CEBPG: variants seen among roughly 807,000 people sequenced by gnomAD.
CEBPG encodes the protein CCAAT enhancer binding protein gamma.
CEBPG carries 6 observed loss-of-function variants against 11.1 expected under a neutral mutation model. The observed-to-expected ratio is 0.54, with a 90% confidence interval of 0.30 to 1.07. The LOEUF is 1.07. CEBPG is among the 50% of genes least tolerant of loss of function. The pLI is 0.07. For missense variants in CEBPG, 161 were observed against 187.4 expected (o/e 0.86, Z 0.82); for synonymous variants, 66 against 71.0 (o/e 0.93, Z 0.36).
chr19:33,377,515 A>G (rs1600063087), intron 1 of CEBPG, among the ~76,000 whole-genome samples: 1 of 152,382 alleles, frequency 6.6e-6, no homozygotes, highest in South Asian at 2.1e-4. Flanking sequence ...GTGTTAAACA[A>G]GTTCTTAAAA....
rs1967956034 is a variant in CEBPG at position 33,379,418 on chromosome 19, G to A, written c.179G>A (p.Arg60Gln). Residue 60 changes from arginine to glutamine, a missense_variant, in exon 2 of 2, where the codon CGA becomes CAA. Arg to Gln is a conservative substitution (Grantham distance 43). Coordinates refer to ENST00000284000, the MANE Select transcript of CEBPG (RefSeq NM_001806.4). ...AGCAAAAAGAGTTCGCCCATGGATC[G>A]AAACAGTGACGAGTATCGGCAACGC... ...KQSKKSSPMDRNSDEYRQRRE... is the reference protein window; with the variant it reads ...KQSKKSSPMDQNSDEYRQRRE... 5 of 1,613,990 alleles carry A rather than the reference G, an allele frequency of 3.1e-6. No individual in the cohort carries two copies. Among genetic ancestry groups the A allele is most frequent in the Non-Finnish European group, 2.5e-6 (3 of 1,180,044 alleles).
chr19:33,378,850 C>T (rs1452071831), intron 1 of CEBPG, among the ~76,000 whole-genome samples: 1 of 152,208 alleles, frequency 6.6e-6, no homozygotes, highest in Non-Finnish European at 1.5e-5. Context: ...AGTTCACATG[C>T]GCCACCTAAT....
chr19:33,379,933 A>G lies in CEBPG; in HGVS notation c.*241A>G. ...ATCAAAATCCCCCAAATGTTAAGGT[A>G]TATGGTAAAAAAAGAAATATCTGGG... On this transcript the variant is annotated 3_prime_UTR_variant, in exon 2 of 2. Transcript: ENST00000284000. The G allele has an allele frequency of 2.6e-6, 1 of 390,130 alleles. No homozygotes were observed. The highest frequency in any genetic ancestry group is 8.2e-5 in the South Asian group (1 of 12,228). 24.2% of individuals were successfully genotyped at this position (390,130 alleles called of 1,614,324 possible).
chr19:33,379,277 T>A lies in CEBPG; in HGVS notation c.38T>A (p.Val13Glu), dbSNP rs1225146576. 2 of 1,578,752 alleles carry A rather than the reference T, an allele frequency of 1.3e-6. No homozygotes were observed. The highest frequency in any genetic ancestry group is 1.7e-6 in the Non-Finnish European group (2 of 1,161,742). ...KISQQNSTPG[V>E]NGISVIHTQA... ...TCGCAGCAAAACAGCACTCCAGGGG[T>A]GAACGGAATTAGTGTTATCCATACC... Residue 13 changes from valine (V) to glutamate (E), a missense_variant, in exon 2 of 2, where the codon GTG (valine) becomes GAG (glutamate). Transcript: ENST00000284000.
intron 1 of CEBPG, among the ~76,000 whole-genome samples, chr19:33,375,414 T>G (rs1355577473): frequency 1.3e-5 from 2 of 152,154 alleles, no homozygotes; most frequent in Non-Finnish European, 2.9e-5. Flanking sequence ...AGCTGTATTG[T>G]GCGTTCTTGG....
rs886528394 is a variant in CEBPG at position 33,380,542 on chromosome 19, G to C, written c.*850G>C. 1.9e-4 allele frequency: 31 copies of C among 167,182 alleles called. No individual in the cohort carries two copies. Among genetic ancestry groups the C allele is most frequent in the African/African-American group, 7.0e-4 (29 of 41,584 alleles). The allele number at this position is 167,182 out of a possible 1,614,324, so 10.4% of individuals were successfully genotyped here. ...GGATACAATTTTGACAACCAAGTTA[G>C]TAAACAAAATATCTTAACAGTTTGA... On this transcript the variant is annotated 3_prime_UTR_variant, in exon 2 of 2. Coordinates refer to ENST00000284000, the MANE Select transcript of CEBPG (RefSeq NM_001806.4).
rs535000841 is a variant in CEBPG, at chr19:33,380,037, A to G, written c.*345A>G. 148 of 204,358 alleles carry G rather than the reference A, an allele frequency of 7.2e-4. 1 individual carries two copies. The highest frequency in any genetic ancestry group is 3.4e-3 in the African/African-American group (145 of 42,756). The allele number at this position is 204,358 out of a possible 1,614,324, so 12.7% of individuals were successfully genotyped here. A position where few individuals can be genotyped will look rare whatever the true frequency, so the allele number is the denominator to read the frequency against. The stretch of plus-strand genomic sequence containing the variant: ...TTGACAAAAGGAATGGGGAACTGGC[A>G]GGCCGCGCAGAAGGTTCTTGGTTTT... On this transcript the variant is annotated 3_prime_UTR_variant, in exon 2 of 2. Coordinates refer to ENST00000284000, the MANE Select transcript of CEBPG (RefSeq NM_001806.4).
rs1221541850 is a variant in CEBPG at position 33,382,276 on chromosome 19, A to C, written c.*2584A>C. The C allele has an allele frequency of 6.0e-6, 1 of 167,158 alleles. No individual in the cohort carries two copies. Among genetic ancestry groups the C allele is most frequent in the Non-Finnish European group, 1.5e-5 (1 of 68,136 alleles). The allele number at this position is 167,158 out of a possible 1,614,324, so 10.4% of individuals were successfully genotyped here. On this transcript the variant is annotated 3_prime_UTR_variant, in exon 2 of 2. Transcript: ENST00000284000. ...ATGCCAGTGCAGATCACTAAGTAGT[A>C]AGATTTTAATCAAACACGACCAGGT...
intron 1 of CEBPG, chr19:33,374,599 C>G (rs1011901309): frequency 2.0e-5 from 3 of 152,122 alleles, no homozygotes; most frequent in Non-Finnish European, 4.4e-5. Flanking sequence ...GGAGCAGGGC[C>G]GACAGCCAGC....
intron 1 of CEBPG, among the ~76,000 whole-genome samples, chr19:33,377,065 T>G (rs776952145): frequency 6.6e-6 from 1 of 152,232 alleles, no homozygotes; most frequent in Non-Finnish European, 1.5e-5. Flanking sequence ...ACCACACACG[T>G]TCAGCCTAGT....
chr19:33,382,639 T>G lies in CEBPG; in HGVS notation c.*2947T>G, dbSNP rs574422965. ...TTCTCTATTTTTTTTAAATATAATT[T>G]TATTTCTTTCAACAAATATAAAATA... On this transcript the variant is annotated 3_prime_UTR_variant, in exon 2 of 2. Transcript: ENST00000284000. The G allele has an allele frequency of 6.0e-6, 1 of 166,874 alleles. No homozygotes were observed. The highest frequency in any genetic ancestry group is 2.1e-4 in the South Asian group (1 of 4,830). 10.3% of individuals were successfully genotyped at this position (166,874 alleles called of 1,614,324 possible).
chr19:33,377,257 A>G (rs1600062910), intron 1 of CEBPG, among the ~76,000 whole-genome samples: 1 of 152,156 alleles, frequency 6.6e-6, no homozygotes, highest in Admixed American at 6.5e-5. Context: ...CACATCCCTC[A>G]TTTGCATGTG....
At chr19:33,378,358 G>A (rs1457896592) in intron 1 of CEBPG, among the ~76,000 whole-genome samples, 1 of 152,196 alleles carries the variant, frequency 6.6e-6, no homozygotes, top group African/African-American at 2.4e-5. Context: ...CCCAGGACCC[G>A]CACTTCCTTG....
rs530609749 is a variant in CEBPG, at chr19:33,380,623, G to A, written c.*931G>A. 6.0e-6 allele frequency: 1 copy of A among 167,098 alleles called. No individual in the cohort carries two copies. The highest frequency in any genetic ancestry group is 1.9e-4 in the East Asian group (1 of 5,196). The allele number at this position is 167,098 out of a possible 1,614,324, so 10.4% of individuals were successfully genotyped here. On this transcript the variant is annotated 3_prime_UTR_variant, in exon 2 of 2. Transcript: ENST00000284000. ...ATTAATTCAGAAGGTAGTTTCTCTT[G>A]TGTTCAAAATAGCTGCCATGGGGCT...
chr19:33,381,028 T>A lies in CEBPG; in HGVS notation c.*1336T>A, dbSNP rs1215276238. On this transcript the variant is annotated 3_prime_UTR_variant, in exon 2 of 2. Coordinates refer to ENST00000284000, the MANE Select transcript of CEBPG (RefSeq NM_001806.4). ...TCTAGAGTCTGGCTTACGTCAGTGT[T>A]GGTAGTTTAGATTGTCTTTGTCAAC... 5 of 167,054 alleles carry A rather than the reference T, an allele frequency of 3.0e-5. No individual in the cohort carries two copies. Among genetic ancestry groups the A allele is most frequent in the Non-Finnish European group, 5.9e-5 (4 of 68,120 alleles). 10.3% of individuals were successfully genotyped at this position (167,054 alleles called of 1,614,324 possible).
In CEBPG at chr19:33,381,711, T is replaced by C. The variant is rs1967991684; in HGVS notation, c.*2019T>C. On this transcript the variant is annotated 3_prime_UTR_variant, in exon 2 of 2. Transcript: ENST00000284000. ...GGGAATTCGATGCTCCCATGGAATTTATACCAGTTATATGAATTGACTTAA... is the reference window on the plus strand; with the variant it reads ...GGGAATTCGATGCTCCCATGGAATTCATACCAGTTATATGAATTGACTTAA... 6.0e-6 allele frequency: 1 copy of C among 167,108 alleles called. No individual in the cohort carries two copies. The highest frequency in any genetic ancestry group is 1.5e-5 in the Non-Finnish European group (1 of 68,124). 10.4% of individuals were successfully genotyped at this position (167,108 alleles called of 1,614,324 possible).
At chr19:33,375,381 T>C (rs1365614130) in intron 1 of CEBPG, among the ~76,000 whole-genome samples, 1 of 152,130 alleles carries the variant, frequency 6.6e-6, no homozygotes, top group East Asian at 1.9e-4. Context: ...ACAGTAATGG[T>C]AAATACAGGT....
chr19:33,379,346 C>T lies in CEBPG; in HGVS notation c.107C>T (p.Pro36Leu), dbSNP rs1967954768. 6.2e-7 allele frequency: 1 copy of T among 1,613,964 alleles called. No individual in the cohort carries two copies. The highest frequency in any genetic ancestry group is 1.1e-5 in the South Asian group (1 of 91,070). ...SGLQQVPQLV[P>L]AGPGGGGKAV... ...TTACAGCAGGTTCCTCAGCTGGTGC[C>T]TGCTGGCCCTGGGGGAGGAGGCAAA... Residue 36 changes from proline to leucine, a missense_variant, in exon 2 of 2, where the codon CCT becomes CTT. Transcript: ENST00000284000.
At chr19:33,374,274 A>C (rs551332047) in intron 1 of CEBPG, 1 of 151,860 alleles carries the variant, frequency 6.6e-6, no homozygotes, top group Non-Finnish European at 1.5e-5. Flanking sequence ...CCAGGCTCGC[A>C]TTGGCCCCTG....
Sources: gnomAD v4.1 joint callset for allele counts (sites outside exome capture counted in the v4.1 genomes callset) on GRCh38, gnomAD v4.1.1 for gene constraint, MANE v1.5 for transcripts, NCBI Gene and HGNC (gene_info 2026-07-23, HGNC 2026-07-21) for gene names.